The following TENM3 variants were observed in gnomAD, a reference collection of about 807,000 sequenced individuals.
TENM3 encodes the protein teneurin transmembrane protein 3, also known as teneurin-3.
TENM3 carries 63 observed loss-of-function variants against 255.1 expected under a neutral mutation model. That is an observed-to-expected ratio of 0.25 (90% confidence interval 0.20 to 0.30). The LOEUF (loss-of-function observed/expected upper bound fraction) is 0.30. Ranked by LOEUF, TENM3 falls within the 10% of genes least tolerant of loss-of-function variation. The pLI is 1.00. For synonymous variants in TENM3, 1,306 were observed against 1,322.3 expected (o/e 0.99, Z 0.27); for missense variants, 2,929 against 3,461.1 (o/e 0.85, Z 3.86).
At chr4:181,704,787 C>G in the TENM3 span, among the ~76,000 whole-genome samples, 1 of 152,054 alleles carries the variant, frequency 6.6e-6, no homozygotes, top group Non-Finnish European at 1.5e-5. Flanking sequence ...ACTCCCAGCA[C>G]TTTGGGGGGC....
the TENM3 span, among the ~76,000 whole-genome samples, chr4:181,453,619 CT>C: frequency 6.6e-6 from 1 of 152,104 alleles, no homozygotes; most frequent in African/African-American, 2.4e-5. Context: ...GTAGTTCCCC[CT>C]GCCCACCCAA....
intron 3 of TENM3, among the ~76,000 whole-genome samples, chr4:182,552,620 C>G (rs1441160285): frequency 6.6e-6 from 1 of 152,048 alleles, no homozygotes; most frequent in Non-Finnish European, 1.5e-5. Context: ...AATTATTTAA[C>G]AGAAAGGAGA....
chr4:181,833,377 A>G, the TENM3 span, among the ~76,000 whole-genome samples: 1 of 152,084 alleles, frequency 6.6e-6, no homozygotes, highest in African/African-American at 2.4e-5. Flanking sequence ...CGGGGCTATC[A>G]CAGTAGCTTC....
At chr4:182,081,408 A>C in the TENM3 span, among the ~76,000 whole-genome samples, 2 of 151,688 alleles carry the variant, frequency 1.3e-5, no homozygotes, top group African/African-American at 4.8e-5. Flanking sequence ...ATATGGTGAA[A>C]CCTCATCTCT....
At chr4:181,644,001 A>G in the TENM3 span, among the ~76,000 whole-genome samples, 2 of 150,394 alleles carry the variant, frequency 1.3e-5, no homozygotes, top group Admixed American at 1.3e-4. Context: ...ACTTGAACCC[A>G]GGAGGCAGAG....
At chr4:181,956,093 G>T in the TENM3 span, among the ~76,000 whole-genome samples, 1 of 152,102 alleles carries the variant, frequency 6.6e-6, no homozygotes, top group Non-Finnish European at 1.5e-5. Context: ...TTATTTCCTG[G>T]TTTCTAGACA....
At chr4:181,592,600 C>G in the TENM3 span, among the ~76,000 whole-genome samples, 1 of 150,470 alleles carries the variant, frequency 6.6e-6, no homozygotes, top group African/African-American at 2.4e-5. Context: ...GCTAAAAGAA[C>G]GAAGTAAAAC....
the TENM3 span, among the ~76,000 whole-genome samples, chr4:181,480,159 A>C: frequency 2.4e-5 from 3 of 123,578 alleles, no homozygotes; most frequent in African/African-American, 1.0e-4. Flanking sequence ...GTTGCTAAGG[A>C]TCCTACCACA....
chr4:182,033,341 A>C, the TENM3 span, among the ~76,000 whole-genome samples: 1 of 152,126 alleles, frequency 6.6e-6, no homozygotes, highest in Non-Finnish European at 1.5e-5. Flanking sequence ...CTTTCCATAT[A>C]GTTGTGTGGT....
chr4:181,633,319 G>A, the TENM3 span, among the ~76,000 whole-genome samples: 1 of 152,158 alleles, frequency 6.6e-6, no homozygotes, highest in South Asian at 2.1e-4. Context: ...TTGAAAGGGA[G>A]GGTAGATAAT....
chr4:181,707,212 C>T, the TENM3 span, among the ~76,000 whole-genome samples: 775 of 152,136 alleles, frequency 5.1e-3, 6 homozygotes, highest in African/African-American at 0.017. Context: ...CAACAGGGCG[C>T]GAAATCTAAA....
At chr4:181,624,391 T>C in the TENM3 span, among the ~76,000 whole-genome samples, 1 of 152,238 alleles carries the variant, frequency 6.6e-6, no homozygotes, top group East Asian at 1.9e-4. Context: ...CATCTACCCT[T>C]AAAGAAGCAA....
the TENM3 span, among the ~76,000 whole-genome samples, chr4:181,888,502 A>ATATACATATATG: frequency 1.2e-4 from 3 of 24,394 alleles, no homozygotes; most frequent in African/African-American, 4.9e-4. Context: ...GTGTATATAT[A>ATATACATATATG]TATATATATA....
the TENM3 span, among the ~76,000 whole-genome samples, chr4:181,972,082 T>C: frequency 6.6e-6 from 1 of 152,008 alleles, no homozygotes; most frequent in Non-Finnish European, 1.5e-5. Flanking sequence ...GGGAAACTAC[T>C]TTCCAGAGAC....
intron 1 of TENM3, among the ~76,000 whole-genome samples, chr4:182,275,933 T>C (rs1374931763): frequency 6.6e-6 from 1 of 152,178 alleles, no homozygotes; most frequent in African/African-American, 2.4e-5. Flanking sequence ...GAGCAAGACC[T>C]GATCTCTTTT....
intron 1 of TENM3, among the ~76,000 whole-genome samples, chr4:182,183,598 A>T (rs1752966800): frequency 6.6e-6 from 1 of 152,178 alleles, no homozygotes; most frequent in Non-Finnish European, 1.5e-5. Flanking sequence ...TTCCAGCTGA[A>T]GTTTAACATA....
chr4:182,060,123 G>T, the TENM3 span, among the ~76,000 whole-genome samples: 1 of 152,100 alleles, frequency 6.6e-6, no homozygotes, highest in Non-Finnish European at 1.5e-5. Context: ...TGTAGTCCCG[G>T]CTACTCAGGA....
the TENM3 span, among the ~76,000 whole-genome samples, chr4:181,762,185 G>C: frequency 1.3e-5 from 2 of 152,134 alleles, no homozygotes; most frequent in African/African-American, 4.8e-5. Context: ...GATGGGAAAG[G>C]TGAAATTTCT....
At chr4:181,889,408 C>T in the TENM3 span, among the ~76,000 whole-genome samples, 1 of 152,128 alleles carries the variant, frequency 6.6e-6, no homozygotes, top group Non-Finnish European at 1.5e-5. Context: ...CACCACCCTG[C>T]CCATAGAGCC....
Sources: allele counts gnomAD v4.1 joint callset (sites outside exome capture counted in the v4.1 genomes callset), GRCh38; gene constraint gnomAD v4.1.1; transcripts MANE v1.5; gene names NCBI Gene and HGNC (gene_info 2026-07-23, HGNC 2026-07-21).